NEGR1: variants seen among roughly 807,000 people sequenced by gnomAD.
The protein encoded by NEGR1 is IgLON family member 4.
NEGR1 carries 10 observed loss-of-function variants against 40.9 expected under a neutral mutation model. The observed-to-expected ratio is 0.24, with a 90% CI of 0.15 to 0.42. The LOEUF (loss-of-function observed/expected upper bound fraction) is 0.42, where lower values mean the gene tolerates loss of function less well. Among genes scored for constraint, NEGR1 ranks in the 10% least tolerant of loss-of-function variants. The pLI, the probability that NEGR1 is intolerant of heterozygous loss-of-function variation, is 1.00. For missense variants in NEGR1, 352 were observed against 438.9 expected (o/e 0.80, Z 1.77); for synonymous variants, 185 against 166.8 (o/e 1.11, Z -0.84).
intron 1 of NEGR1, among the ~76,000 whole-genome samples, chr1:72,244,474 A>C (rs1654842135): frequency 6.6e-6 from 1 of 151,974 alleles, no homozygotes; most frequent in Non-Finnish European, 1.5e-5. Context: ...CAAATGTTGA[A>C]AAACATGTAT....
chr1:71,792,527 G>A (rs1336228407), intron 2 of NEGR1, among the ~76,000 whole-genome samples: 1 of 152,024 alleles, frequency 6.6e-6, no homozygotes, highest in Non-Finnish European at 1.5e-5. Flanking sequence ...TCCAGAGATA[G>A]GATGACCACC....
intron 4 of NEGR1, among the ~76,000 whole-genome samples, chr1:71,626,680 G>T (rs1184628044): frequency 6.6e-6 from 1 of 152,012 alleles, no homozygotes; most frequent in Non-Finnish European, 1.5e-5. Context: ...CACTGCAAAA[G>T]AAACTACCAT....
intron 5 of NEGR1, among the ~76,000 whole-genome samples, chr1:71,603,560 G>T (rs2101534542): frequency 6.6e-6 from 1 of 152,238 alleles, no homozygotes; most frequent in East Asian, 1.9e-4. Flanking sequence ...TAAAATATGT[G>T]TTATAAGATA....
At chr1:71,926,650 A>ATT (rs5775093) in intron 2 of NEGR1, among the ~76,000 whole-genome samples, 14,345 of 147,168 alleles carry the variant, frequency 0.097, 941 homozygotes, top group Admixed American at 0.22. Context: ...TATCAATATG[A>ATT]TTTTTTTTTT....
Position 71,448,714 on chromosome 1 carries a change from T to C in NEGR1, c.941-41144A>G, listed in dbSNP as rs942244217. ...GTCTCCCAATAGACTCAGGGAAGGC[T>C]GACCACAAACACAGTCTGACAAAAA... On this transcript the variant is annotated intron_variant, in intron 6 of 6. Transcript: ENST00000357731. Among the ~76,000 whole-genome samples, 3 of 152,282 alleles carry C rather than the reference T, an allele frequency of 2.0e-5. No homozygotes were observed. In the East Asian group the frequency reaches 5.8e-4, roughly 29 times the overall value.
chr1:72,230,108 A>G (rs11209937), intron 1 of NEGR1, among the ~76,000 whole-genome samples: 6,091 of 152,146 alleles, frequency 0.04, 397 homozygotes, highest in African/African-American at 0.14. Context: ...TCATCTGCCA[A>G]TGTAATTCTA....
intron 2 of NEGR1, among the ~76,000 whole-genome samples, chr1:71,814,583 T>C (rs1445465858): frequency 6.6e-6 from 1 of 152,138 alleles, no homozygotes; most frequent in Admixed American, 6.6e-5. Context: ...CTGTCTGAAT[T>C]TCAGAACTTA....
chr1:71,993,674 T>G (rs1423924213), intron 1 of NEGR1, among the ~76,000 whole-genome samples: 1 of 152,246 alleles, frequency 6.6e-6, no homozygotes, highest in Admixed American at 6.5e-5. Flanking sequence ...CAAAATGTGT[T>G]AAACATATTA....
chr1:71,798,446 T>C (rs550693295), intron 2 of NEGR1, among the ~76,000 whole-genome samples: 1 of 152,282 alleles, frequency 6.6e-6, no homozygotes, highest in South Asian at 2.1e-4. Flanking sequence ...AAAATTACAA[T>C]TGCATGTAAT....
chr1:71,567,041 G>C (rs996072861), intron 6 of NEGR1, among the ~76,000 whole-genome samples: 1 of 152,098 alleles, frequency 6.6e-6, no homozygotes, highest in Non-Finnish European at 1.5e-5. Flanking sequence ...GAATTTTGAG[G>C]GGACATAAAC....
intron 3 of NEGR1, chr1:71,703,056 G>A (rs997470683): frequency 2.6e-5 from 4 of 151,872 alleles, no homozygotes; most frequent in African/African-American, 9.7e-5. Context: ...TACTTGCATA[G>A]GCAAAAAATC....
At chr1:71,983,975 AG>A (rs1646375171) in intron 1 of NEGR1, among the ~76,000 whole-genome samples, 1 of 148,274 alleles carries the variant, frequency 6.7e-6, no homozygotes, top group East Asian at 2.4e-4. Context: ...ATGCTAAAGG[AG>A]TCTCAAAACT....
intron 1 of NEGR1, among the ~76,000 whole-genome samples, chr1:72,223,157 C>A (rs1654066680): frequency 6.6e-6 from 1 of 152,196 alleles, no homozygotes; most frequent in South Asian, 2.1e-4. Context: ...GCATTACCCT[C>A]CGATGACTTC....
chr1:71,963,389 G>A (rs551421713), intron 1 of NEGR1, among the ~76,000 whole-genome samples: 3 of 152,180 alleles, frequency 2.0e-5, no homozygotes, highest in African/African-American at 7.2e-5. Context: ...TACTATTCAC[G>A]TCTTTTAGGT....
intron 3 of NEGR1, among the ~76,000 whole-genome samples, chr1:71,714,573 T>C (rs1374064729): frequency 1.3e-5 from 2 of 152,148 alleles, no homozygotes; most frequent in Non-Finnish European, 2.9e-5. Flanking sequence ...AGGCATTGGG[T>C]AAATACACCA....
intron 1 of NEGR1, among the ~76,000 whole-genome samples, chr1:72,263,820 A>G (rs935243682): frequency 2.6e-5 from 4 of 151,608 alleles, no homozygotes; most frequent in African/African-American, 9.7e-5. Context: ...ATTAAAAATG[A>G]CAATGAAAAA....
At chr1:71,520,715 C>T (rs1411615828) in intron 6 of NEGR1, among the ~76,000 whole-genome samples, 1 of 151,982 alleles carries the variant, frequency 6.6e-6, no homozygotes, top group Non-Finnish European at 1.5e-5. Flanking sequence ...ACTGTGAAGC[C>T]TGTCTTGTGT....
At chr1:71,813,921 A>C (rs1005886349) in intron 2 of NEGR1, among the ~76,000 whole-genome samples, 1 of 151,978 alleles carries the variant, frequency 6.6e-6, no homozygotes, top group African/African-American at 2.4e-5. Context: ...AATACATTTT[A>C]TTTCTTTCTC....
intron 1 of NEGR1, among the ~76,000 whole-genome samples, chr1:72,148,971 TC>T (rs1168616880): frequency 6.6e-6 from 1 of 152,154 alleles, no homozygotes; most frequent in Non-Finnish European, 1.5e-5. Context: ...CAAAGTCACT[TC>T]CACAGTTTCA....
Sources: allele counts gnomAD v4.1 joint callset (sites outside exome capture counted in the v4.1 genomes callset), GRCh38; gene constraint gnomAD v4.1.1; transcripts MANE v1.5; gene names NCBI Gene and HGNC (gene_info 2026-07-23, HGNC 2026-07-21).